PHACTR1: variants seen among roughly 807,000 people sequenced by gnomAD.
The protein encoded by PHACTR1 is RPEL repeat containing 1.
PHACTR1 carries 16 observed loss-of-function variants against 69.2 expected under a neutral mutation model. The observed-to-expected ratio is 0.23, with a 90% CI of 0.16 to 0.35. PHACTR1 has a LOEUF of 0.35. Ranked by LOEUF, PHACTR1 falls within the 10% of genes least tolerant of loss-of-function variation. PHACTR1 has a pLI of 1.00. For missense variants in PHACTR1, 510 were observed against 734.7 expected, an observed-to-expected ratio of 0.69 and a Z score of 3.54; for synonymous variants, 312 against 284.5, an observed-to-expected ratio of 1.10 and a Z score of -0.97.
chr6:13,049,807 A>G (rs983302816), intron 4 of PHACTR1, among the ~76,000 whole-genome samples: 2 of 152,244 alleles, frequency 1.3e-5, no homozygotes, highest in Non-Finnish European at 2.9e-5. Context: ...TCTGAAGGCC[A>G]GTACAGGAAA....
rs548017361 is a variant in PHACTR1 at position 12,817,996 on chromosome 6, T to C, written c.250+68206T>C. Among the ~76,000 whole-genome samples the C allele has an allele frequency of 1.2e-4, 18 of 152,184 alleles. No individual in the cohort carries two copies. The East Asian group carries it at 3.5e-3, about 30-fold the overall frequency. ...CTGCCACCATGCCAGGCTAGTTTTT[T>C]GTATTTTTAGTAGAGACAGGGTTTC... On this transcript the variant is annotated intron_variant, in intron 4 of 14. Transcript: ENST00000332995.
intron 4 of PHACTR1, among the ~76,000 whole-genome samples, chr6:12,776,450 C>T (rs2127635509): frequency 6.6e-6 from 1 of 152,324 alleles, no homozygotes; most frequent in Admixed American, 6.5e-5. Flanking sequence ...GCTGACCCTC[C>T]TGTCCCTGGT....
At chr6:12,931,035 C>T (rs1032826637) in intron 4 of PHACTR1, among the ~76,000 whole-genome samples, 1 of 139,984 alleles carries the variant, frequency 7.1e-6, no homozygotes, top group African/African-American at 2.7e-5. Context: ...AAGAAGGTGA[C>T]AAATGCACAG....
chr6:12,819,185 T>C (rs1026624155), intron 4 of PHACTR1, among the ~76,000 whole-genome samples: 4 of 152,214 alleles, frequency 2.6e-5, no homozygotes, highest in African/African-American at 9.6e-5. Flanking sequence ...TTTTGTTGAA[T>C]TTTGCGGATT....
chr6:13,265,548 GGTTA>G lies in PHACTR1; in HGVS notation c.1392-7307_1392-7304del, dbSNP rs1335731465. ...CCTAAATCACAAAGCCGTTGTGATTGGTTAGTTAATGAGAGTACTCTCAGCTGAG... is the reference window on the plus strand; with the variant it reads ...CCTAAATCACAAAGCCGTTGTGATTGGTTAATGAGAGTACTCTCAGCTGAG... On this transcript the variant is annotated intron_variant, in intron 10 of 14. Transcript: ENST00000332995. 5.3e-5 allele frequency among the ~76,000 whole-genome samples: 8 copies of G among 152,280 alleles called. No homozygotes were observed. In the South Asian group the frequency reaches 6.2e-4, roughly 12 times the overall value.
intron 4 of PHACTR1, among the ~76,000 whole-genome samples, chr6:12,828,723 CA>C (rs1251521471): frequency 2.0e-5 from 3 of 151,134 alleles, no homozygotes; most frequent in East Asian, 3.9e-4. Flanking sequence ...AAAAACCGAC[CA>C]AAAAATTATT....
chr6:13,214,035 A>G (rs1450386474), intron 8 of PHACTR1: 6 of 152,152 alleles, frequency 3.9e-5, no homozygotes, highest in Admixed American at 2.6e-4. Context: ...AACTGTCTCA[A>G]TTATAGAAAC....
rs1761819128 is a variant in PHACTR1 at position 13,179,192 on chromosome 6, T to C, written c.497-3327T>C. The stretch of plus-strand genomic sequence containing the variant: ...TGGAAGCTGCAGTGAGCCATGTTCA[T>C]GCCACTGCACTCCAGCCTGGGCAAC... On this transcript the variant is annotated intron_variant, in intron 6 of 14. Coordinates refer to ENST00000332995, the MANE Select transcript of PHACTR1 (RefSeq NM_030948.6). The surrounding 1 kb of genome is among the most constrained non-coding windows in gnomAD (Gnocchi z 4.2). Among the ~76,000 whole-genome samples, 1 of 152,248 alleles carries C rather than the reference T, an allele frequency of 6.6e-6. No individual in the cohort carries two copies. The highest frequency in any genetic ancestry group is 1.5e-5 in the Non-Finnish European group (1 of 68,020).
chr6:13,231,742 A>G (rs942074241), intron 10 of PHACTR1, among the ~76,000 whole-genome samples: 2 of 152,264 alleles, frequency 1.3e-5, no homozygotes, highest in African/African-American at 2.4e-5. Context: ...AATCAAGGGC[A>G]TGTTTATGTG....
chr6:12,794,451 C>T (rs1310201931), intron 4 of PHACTR1, among the ~76,000 whole-genome samples: 5 of 152,176 alleles, frequency 3.3e-5, no homozygotes, highest in Admixed American at 2.6e-4. Context: ...GATCACGAGC[C>T]TGAATATGCT....
intron 4 of PHACTR1, among the ~76,000 whole-genome samples, chr6:12,781,266 G>A (rs569094141): frequency 9.2e-5 from 14 of 152,250 alleles, no homozygotes; most frequent in African/African-American, 3.4e-4. Context: ...GCTTCACTGT[G>A]AGTCCCCTGT....
chr6:13,067,157 C>T (rs756640611), intron 5 of PHACTR1, among the ~76,000 whole-genome samples: 4 of 152,220 alleles, frequency 2.6e-5, no homozygotes, highest in Non-Finnish European at 5.9e-5. Context: ...GCTCATATTA[C>T]TATGTCGTAT....
At chr6:12,876,339 A>G (rs1156946131) in intron 4 of PHACTR1, among the ~76,000 whole-genome samples, 1 of 152,246 alleles carries the variant, frequency 6.6e-6, no homozygotes, top group African/African-American at 2.4e-5. Context: ...TGACCAGACT[A>G]TTATGTACAA....
chr6:12,986,532 C>A lies in PHACTR1; in HGVS notation c.251-66833C>A, dbSNP rs1010949156. Among the ~76,000 whole-genome samples, 7 of 152,254 alleles carry A rather than the reference C, an allele frequency of 4.6e-5. No individual in the cohort carries two copies. In the South Asian group the frequency reaches 1.5e-3, roughly 32 times the overall value. ...AATGCTCTTGCGTTCATTATTCCCC[C>A]CAGTGTTTGTTTGATGCCAGTTCTA... On this transcript the variant is annotated intron_variant, in intron 4 of 14. Coordinates refer to ENST00000332995, the MANE Select transcript of PHACTR1 (RefSeq NM_030948.6).
At chr6:12,964,645 G>T (rs896562709) in intron 4 of PHACTR1, among the ~76,000 whole-genome samples, 2 of 152,184 alleles carry the variant, frequency 1.3e-5, no homozygotes, top group African/African-American at 4.8e-5. Context: ...AAGTGACATG[G>T]TCAGAGTTTA....
intron 4 of PHACTR1, among the ~76,000 whole-genome samples, chr6:12,869,757 G>A (rs755833811): frequency 1.3e-5 from 2 of 152,166 alleles, no homozygotes; most frequent in Non-Finnish European, 2.9e-5. Flanking sequence ...TTCTCTGTCT[G>A]TGGCTCTTTT....
At chr6:12,817,157 A>G (rs1775684246) in intron 4 of PHACTR1, among the ~76,000 whole-genome samples, 1 of 152,200 alleles carries the variant, frequency 6.6e-6, no homozygotes, top group Non-Finnish European at 1.5e-5. Flanking sequence ...GATCATTTAT[A>G]AACCTTGGCT....
intron 7 of PHACTR1, among the ~76,000 whole-genome samples, chr6:13,191,889 T>C (rs1763652182): frequency 1.3e-5 from 2 of 152,280 alleles, no homozygotes; most frequent in Non-Finnish European, 2.9e-5. Context: ...GTCTTGTTTC[T>C]ATTCTCAAAA....
intron 3 of PHACTR1, among the ~76,000 whole-genome samples, chr6:12,735,864 C>T (rs181106847): frequency 6.6e-6 from 1 of 152,208 alleles, no homozygotes; most frequent in Admixed American, 6.5e-5. Flanking sequence ...ACATTAAAGA[C>T]CTAAGTTGGG....
Sources: gnomAD v4.1 joint callset for allele counts (sites outside exome capture counted in the v4.1 genomes callset) on GRCh38, gnomAD v4.1.1 for gene constraint, Gnocchi (gnomAD v3.1) non-coding constraint, MANE v1.5 for transcripts, NCBI Gene and HGNC (gene_info 2026-07-23, HGNC 2026-07-21) for gene names.